Variants in SUGCT observed in about 807,000 individuals in gnomAD.
The protein encoded by SUGCT is succinyl-CoA:glutarate CoA-transferase.
Under a neutral mutation model 55.0 loss-of-function variants are expected in SUGCT, and 41 were observed. The observed-to-expected ratio is 0.74, with a 90% confidence interval of 0.58 to 0.97. The LOEUF is 0.97. SUGCT is among the 50% of genes least tolerant of loss of function. The pLI is 0.00. For synonymous variants in SUGCT, 187 were observed against 200.4 expected (o/e 0.93, Z 0.56); for missense variants, 568 against 547.8 (o/e 1.04, Z -0.37).
At chr7:40,890,305 AAAT>A in the SUGCT span, among the ~76,000 whole-genome samples, 1 of 127,026 alleles carries the variant, frequency 7.9e-6, no homozygotes, top group African/African-American at 4.0e-5. Context: ...AATATAAATT[AAAT>A]ATTTATGTTA....
chr7:40,246,250 TC>T (rs1196303458), intron 7 of SUGCT, among the ~76,000 whole-genome samples: 10 of 106,770 alleles, frequency 9.4e-5, no homozygotes, highest in African/African-American at 2.7e-4. Context: ...TATAGCATGT[TC>T]TTTTTTTTTT....
chr7:40,684,775 C>G (rs1343082619), intron 12 of SUGCT, among the ~76,000 whole-genome samples: 1 of 152,086 alleles, frequency 6.6e-6, no homozygotes, highest in Non-Finnish European at 1.5e-5. Flanking sequence ...ATTTACATTA[C>G]CATGAGTATG....
At chr7:40,726,070 C>T (rs111794169) in intron 12 of SUGCT, among the ~76,000 whole-genome samples, 9 of 152,180 alleles carry the variant, frequency 5.9e-5, no homozygotes, top group African/African-American at 1.7e-4. Flanking sequence ...AATCTCAACA[C>T]GTAATAAATA....
chr7:40,664,774 A>G (rs902392832), intron 12 of SUGCT, among the ~76,000 whole-genome samples: 2 of 151,550 alleles, frequency 1.3e-5, no homozygotes, highest in African/African-American at 2.4e-5. Flanking sequence ...AGGTCAGGAG[A>G]TCGAGACCAT....
rs915211817 is a variant in SUGCT at position 40,281,239 on chromosome 7, C to T, written c.720+6583C>T. Reference sequence around the variant, plus strand: ...TAGAAGAATTACCTTGAGAAAAGCCCGTGAATGTACAAATCTGTGAGGAAA... The same window carrying T: ...TAGAAGAATTACCTTGAGAAAAGCCTGTGAATGTACAAATCTGTGAGGAAA... On this transcript the variant is annotated intron_variant, in intron 8 of 13. Transcript: ENST00000335693. 1.9e-4 allele frequency among the ~76,000 whole-genome samples: 29 copies of T among 150,798 alleles called. No homozygotes were observed. In the East Asian group the frequency reaches 4.5e-3, roughly 24 times the overall value.
chr7:40,948,688 A>G, the SUGCT span, among the ~76,000 whole-genome samples: 1 of 145,556 alleles, frequency 6.9e-6, no homozygotes, highest in Non-Finnish European at 1.5e-5. Flanking sequence ...CCCACTTATT[A>G]GTGAGAACAT....
At chr7:40,248,959 C>G (rs1016373225) in intron 7 of SUGCT, among the ~76,000 whole-genome samples, 1 of 151,802 alleles carries the variant, frequency 6.6e-6, no homozygotes, top group Non-Finnish European at 1.5e-5. Context: ...CTCTCACTCT[C>G]TCTTAAAAAT....
intron 5 of SUGCT, among the ~76,000 whole-genome samples, chr7:40,194,479 T>C (rs1562567675): frequency 6.6e-6 from 1 of 152,160 alleles, no homozygotes; most frequent in African/African-American, 2.4e-5. Context: ...CTTGAACTCC[T>C]GATCTTGAAC....
rs141495759 is a variant in SUGCT, at chr7:40,599,756, TTCAAGCAG to T, written c.1089+103373_1089+103380del. Among the ~76,000 whole-genome samples the T allele has an allele frequency of 6.0e-3, 914 of 152,298 alleles. 5 individuals carry two copies. Among genetic ancestry groups the T allele is most frequent in the African/African-American group, 0.021 (885 of 41,564 alleles). On this transcript the variant is annotated intron_variant, in intron 12 of 13. Transcript: ENST00000335693. ...GTAACTCTGGGCCTCTAGCTATACC[TTCAAGCAG>T]TCCTTTCTTATTTTCCTCACTCTAG... is the stretch of plus-strand genomic sequence containing the variant.
intron 13 of SUGCT, among the ~76,000 whole-genome samples, chr7:40,786,079 A>G (rs1288924481): frequency 6.6e-6 from 1 of 152,186 alleles, no homozygotes; most frequent in Admixed American, 6.5e-5. Flanking sequence ...AGCCTGGGCA[A>G]CCGAAGGAGA....
intron 13 of SUGCT, among the ~76,000 whole-genome samples, chr7:40,848,139 G>A (rs1793672007): frequency 6.6e-6 from 1 of 151,284 alleles, no homozygotes; most frequent in Non-Finnish European, 1.5e-5. Flanking sequence ...ATCTTTCCAG[G>A]TGCAGAACAA....
At chr7:40,712,913 G>A (rs368233001) in intron 12 of SUGCT, among the ~76,000 whole-genome samples, 1 of 152,220 alleles carries the variant, frequency 6.6e-6, no homozygotes, top group Non-Finnish European at 1.5e-5. Context: ...ATAGTAAAAC[G>A]TCTTCCACAT....
At chr7:41,000,151 A>C in the SUGCT span, among the ~76,000 whole-genome samples, 4 of 152,160 alleles carry the variant, frequency 2.6e-5, no homozygotes, top group Non-Finnish European at 5.9e-5. Flanking sequence ...ACAAGTTCTT[A>C]TTAAGCATCA....
downstream of SUGCT, among the ~76,000 whole-genome samples, chr7:40,863,027 T>G (rs1197377669): frequency 1.3e-5 from 2 of 151,972 alleles, no homozygotes; most frequent in African/African-American, 4.8e-5. Flanking sequence ...TCGCTTGAAG[T>G]CAGCAATTTG....
At chr7:40,344,867 A>C (rs1037009040) in intron 9 of SUGCT, among the ~76,000 whole-genome samples, 22 of 151,358 alleles carry the variant, frequency 1.5e-4, no homozygotes, top group Non-Finnish European at 2.8e-4. Flanking sequence ...ATGTATATTA[A>C]ATTTTGTGAT....
At chr7:40,943,965 T>C in the SUGCT span, among the ~76,000 whole-genome samples, 1 of 149,308 alleles carries the variant, frequency 6.7e-6, no homozygotes, top group South Asian at 2.2e-4. Context: ...TTTTAATGAT[T>C]GCCATTCTAA....
At chr7:41,023,662 A>C in the SUGCT span, among the ~76,000 whole-genome samples, 1 of 152,094 alleles carries the variant, frequency 6.6e-6, no homozygotes, top group African/African-American at 2.4e-5. Flanking sequence ...TTTTCCAGGC[A>C]GTGATGAATG....
At chr7:40,715,092 C>G (rs1328232576) in intron 12 of SUGCT, among the ~76,000 whole-genome samples, 2 of 152,062 alleles carry the variant, frequency 1.3e-5, no homozygotes, top group East Asian at 3.9e-4. Context: ...AAGGGTGTGA[C>G]TTGGATTATA....
chr7:40,922,817 A>G, the SUGCT span, among the ~76,000 whole-genome samples: 4 of 152,226 alleles, frequency 2.6e-5, no homozygotes, highest in African/African-American at 7.2e-5. Flanking sequence ...GCCTTCAGAC[A>G]TATTTCTTTA....
Sources: allele counts gnomAD v4.1 joint callset (sites outside exome capture counted in the v4.1 genomes callset), GRCh38; gene constraint gnomAD v4.1.1; transcripts MANE v1.5; gene names NCBI Gene and HGNC (gene_info 2026-07-23, HGNC 2026-07-21).